Variants in ANKRD29 observed in about 807,000 individuals in gnomAD.
ANKRD29 encodes the protein ankyrin repeat domain-containing protein 29.
A neutral mutation model predicts 38.0 loss-of-function variants in ANKRD29; 32 were observed. The ratio of observed to expected loss-of-function variants is 0.84; its 90% CI spans 0.64 to 1.13. The LOEUF (loss-of-function observed/expected upper bound fraction) is 1.13, where lower values mean the gene tolerates loss of function less well. ANKRD29 is among the 50% of genes most tolerant of loss of function. The pLI, the probability that ANKRD29 is intolerant of heterozygous loss-of-function variation, is 0.00. For missense variants in ANKRD29, 357 were observed against 377.9 expected (o/e 0.94, Z 0.46); for synonymous variants, 135 against 152.4 (o/e 0.89, Z 0.84).
At chr18:23,607,367 A>C (rs1362851098) in intron 9 of ANKRD29, among the ~76,000 whole-genome samples, 2 of 152,178 alleles carry the variant, frequency 1.3e-5, no homozygotes, top group South Asian at 2.1e-4. Context: ...AGCTTCATCC[A>C]GTCTCAGAGC....
At chr18:23,612,293 A>G in intron 8 of ANKRD29, 103 bp from the exon 9 acceptor site, 1 of 1,003,820 alleles carries the variant, frequency 1.0e-6, no homozygotes, top group Non-Finnish European at 1.5e-6. Flanking sequence ...GTAACCTCAT[A>G]CCCGTAACCT....
intron 2 of ANKRD29, chr18:23,647,297 A>C (rs1467595576): frequency 6.6e-6 from 1 of 152,260 alleles, no homozygotes; most frequent in Non-Finnish European, 1.5e-5. Context: ...GAATGAGATA[A>C]GTCAGGCAAT....
At chr18:23,627,540 A>G (rs1192836201) in intron 6 of ANKRD29, among the ~76,000 whole-genome samples, 1 of 152,180 alleles carries the variant, frequency 6.6e-6, no homozygotes, top group African/African-American at 2.4e-5. Flanking sequence ...TGGCTTCAAC[A>G]TCACGGCATG....
In ANKRD29 at chr18:23,644,015, C is replaced by T. The variant is rs558046656; in HGVS notation, c.231+2174G>A. On this transcript the variant is annotated intron_variant, in intron 3 of 9. Transcript: ENST00000592179. ...CTCTTGCCCCAGACTGACACAGTCT[C>T]AGGAAATTCAGGGACTGCCAGGAAC... Among the ~76,000 whole-genome samples the T allele has an allele frequency of 4.6e-5, 7 of 152,336 alleles. No individual in the cohort carries two copies. The South Asian group carries it at 1.5e-3, about 32-fold the overall frequency.
intron 1 of ANKRD29, among the ~76,000 whole-genome samples, chr18:23,659,972 G>T (rs187572563): frequency 1.3e-5 from 2 of 150,754 alleles, no homozygotes; most frequent in African/African-American, 2.4e-5. Context: ...TTAGCCGGGC[G>T]TGGTGGCACA....
intron 3 of ANKRD29, among the ~76,000 whole-genome samples, chr18:23,641,181 G>T (rs1332618935): frequency 1.3e-5 from 2 of 152,232 alleles, no homozygotes; most frequent in Non-Finnish European, 2.9e-5. Context: ...CACACGGGAG[G>T]TGCAGCTGGG....
In ANKRD29 at chr18:23,625,483, T is replaced by G. The variant is rs1178609257; in HGVS notation, c.528+4370A>C. Among the ~76,000 whole-genome samples the G allele has an allele frequency of 2.7e-5, 4 of 146,224 alleles. No individual in the cohort carries two copies. The East Asian group carries it at 6.0e-4, about 22-fold the overall frequency. ...CAAAACTGGTAAAAAAAGAAAGGAG[T>G]GGGGAGAAACAGAGATATGAAGAGA... On this transcript the variant is annotated intron_variant, in intron 6 of 9. Coordinates refer to ENST00000592179, the MANE Select transcript of ANKRD29 (RefSeq NM_173505.4).
intron 8 of ANKRD29, among the ~76,000 whole-genome samples, chr18:23,616,440 G>A (rs528403146): frequency 9.4e-5 from 14 of 148,626 alleles, no homozygotes; most frequent in Admixed American, 3.4e-4. Context: ...TTACTTGAGC[G>A]CAAGAATTCA....
At position 23,609,467 on chromosome 18, in the gene ANKRD29, C is replaced by T. The variant is rs190114206; in HGVS notation, c.822+2625G>A. 3.7e-3 allele frequency among the ~76,000 whole-genome samples: 561 copies of T among 152,242 alleles called. 2 individuals are homozygous for T. Among genetic ancestry groups the T allele is most frequent in the African/African-American group, 0.013 (532 of 41,520 alleles). ...GAGTAATAATAAAACTCCTATCTCC[C>T]GCACAGCTGGCTCTGCGTGAATTAC... On this transcript the variant is annotated intron_variant, in intron 9 of 9. Transcript: ENST00000592179.
chr18:23,620,052 C>G (rs565474967), intron 6 of ANKRD29, among the ~76,000 whole-genome samples: 11 of 152,222 alleles, frequency 7.2e-5, no homozygotes, highest in African/African-American at 2.6e-4. Context: ...CCGGCCTATT[C>G]CCCCAAGACT....
intron 1 of ANKRD29, among the ~76,000 whole-genome samples, chr18:23,655,455 T>A (rs78421093): frequency 0.022 from 3,384 of 152,194 alleles, 109 homozygotes; most frequent in African/African-American, 0.07. Flanking sequence ...TAATTTTTTT[T>A]ATTTTTTGAG....
intron 7 of ANKRD29, among the ~76,000 whole-genome samples, chr18:23,618,988 A>G (rs1473201345): frequency 6.6e-6 from 1 of 152,248 alleles, no homozygotes; most frequent in Non-Finnish European, 1.5e-5. Context: ...CAAAGGCCAC[A>G]GTAAAACACA....
intron 6 of ANKRD29, among the ~76,000 whole-genome samples, chr18:23,622,708 A>G (rs2059811470): frequency 6.6e-6 from 1 of 151,986 alleles, no homozygotes; most frequent in Admixed American, 6.6e-5. Context: ...CTGAGACTAC[A>G]GGCATGCACC....
chr18:23,606,180 T>TCA (rs2059572793), intron 9 of ANKRD29, among the ~76,000 whole-genome samples: 3 of 152,224 alleles, frequency 2.0e-5, no homozygotes, highest in Non-Finnish European at 4.4e-5. Flanking sequence ...CACAATCATG[T>TCA]AGCTCACTGC....
intron 4 of ANKRD29, among the ~76,000 whole-genome samples, chr18:23,635,806 G>A (rs911947551): frequency 6.6e-6 from 1 of 152,178 alleles, no homozygotes. Flanking sequence ...ACTGCTATAA[G>A]AGGTCTCGAA....
At chr18:23,615,957 ATATG>A (rs1447717700) in intron 8 of ANKRD29, among the ~76,000 whole-genome samples, 2 of 144,380 alleles carry the variant, frequency 1.4e-5, no homozygotes, top group African/African-American at 5.3e-5. Context: ...TATACATACT[ATATG>A]TATGTATATA....
chr18:23,627,710 A>G (rs1309960644), intron 6 of ANKRD29, among the ~76,000 whole-genome samples: 1 of 152,242 alleles, frequency 6.6e-6, no homozygotes. Flanking sequence ...GAGACTTGAT[A>G]ATCTTGATAA....
intron 1 of ANKRD29, among the ~76,000 whole-genome samples, chr18:23,651,293 C>T (rs1389281076): frequency 6.6e-6 from 1 of 152,188 alleles, no homozygotes; most frequent in Non-Finnish European, 1.5e-5. Context: ...AACAATTTGC[C>T]TTTCCTGACC....
At chr18:23,642,155 G>A (rs573492784) in intron 3 of ANKRD29, among the ~76,000 whole-genome samples, 2 of 152,036 alleles carry the variant, frequency 1.3e-5, no homozygotes, top group South Asian at 4.2e-4. Flanking sequence ...TCTTGGATGC[G>A]GGACAAGAAT....
Sources: allele counts gnomAD v4.1 joint callset (sites outside exome capture counted in the v4.1 genomes callset), GRCh38; gene constraint gnomAD v4.1.1; transcripts MANE v1.5; gene names NCBI Gene and HGNC (gene_info 2026-07-23, HGNC 2026-07-21).